DCTD: variants seen among roughly 807,000 people sequenced by gnomAD.
DCTD encodes dCMP deaminase.
DCTD carries 23 observed loss-of-function variants against 21.0 expected under a neutral mutation model. The ratio of observed to expected loss-of-function variants is 1.09; its 90% CI spans 0.79 to 1.55. The LOEUF is 1.55. Ranked by LOEUF, DCTD falls within the 40% of genes most tolerant of loss-of-function variation. DCTD has a pLI of 0.00. For synonymous variants in DCTD, 71 were observed against 81.1 expected, an observed-to-expected ratio of 0.88 and a Z score of 0.67; for missense variants, 224 against 230.0, an observed-to-expected ratio of 0.97 and a Z score of 0.17.
intron 3 of DCTD, among the ~76,000 whole-genome samples, chr4:182,910,103 G>A (rs1438830424): frequency 1.3e-5 from 2 of 152,152 alleles, no homozygotes; most frequent in Non-Finnish European, 2.9e-5. Flanking sequence ...GGGACACTGA[G>A]ATGCTACGGT....
At chr4:182,896,509 C>T (rs1734754322) in intron 3 of DCTD, among the ~76,000 whole-genome samples, 1 of 152,232 alleles carries the variant, frequency 6.6e-6, no homozygotes, top group African/African-American at 2.4e-5. Context: ...AGAGAATCAT[C>T]TTCGCTGCCC....
At chr4:182,910,493 T>A (rs59988836) in intron 3 of DCTD, among the ~76,000 whole-genome samples, 9,255 of 152,226 alleles carry the variant, frequency 0.061, 337 homozygotes, top group South Asian at 0.1. Context: ...GAATGAAAAA[T>A]GTCAACTGAA....
chr4:182,905,635 C>T (rs35058226), intron 3 of DCTD, among the ~76,000 whole-genome samples: 9,299 of 152,170 alleles, frequency 0.061, 344 homozygotes, highest in South Asian at 0.11. Flanking sequence ...CTCCTTCTCA[C>T]GGGCCCTTCT....
At chr4:182,893,294 C>T (rs1449411027) in intron 4 of DCTD, among the ~76,000 whole-genome samples, 167 bp from the exon 5 acceptor site, 2 of 152,262 alleles carry the variant, frequency 1.3e-5, no homozygotes, top group African/African-American at 4.8e-5. Context: ...CTTTCTAATA[C>T]AGCAGAGGGT....
chr4:182,895,658 C>T lies in DCTD; in HGVS notation c.245-1053G>A, dbSNP rs138808771. Among the ~76,000 whole-genome samples the T allele has an allele frequency of 6.3e-3, 965 of 152,318 alleles. 11 individuals are homozygous for T. Among genetic ancestry groups the T allele is most frequent in the African/African-American group, 0.021 (886 of 41,576 alleles). On this transcript the variant is annotated intron_variant, in intron 3 of 5. Transcript: ENST00000438320. ...CACACCTGGGTTTGACTCCCTCATCCTGCCCAGGAGGTTTCTGGATGGCCG... is the reference window on the plus strand; with the variant it reads ...CACACCTGGGTTTGACTCCCTCATCTTGCCCAGGAGGTTTCTGGATGGCCG...
At chr4:182,904,243 T>C (rs1162710779) in intron 3 of DCTD, among the ~76,000 whole-genome samples, 1 of 152,132 alleles carries the variant, frequency 6.6e-6, no homozygotes, top group East Asian at 1.9e-4. Context: ...AGAACTCTAA[T>C]TACACTGCCT....
intron 3 of DCTD, among the ~76,000 whole-genome samples, chr4:182,913,385 C>A (rs1230803621): frequency 6.6e-6 from 1 of 152,252 alleles, no homozygotes; most frequent in Admixed American, 6.5e-5. Flanking sequence ...GACTGCTTTG[C>A]AGTCCTCAGT....
At chr4:182,910,223 T>C (rs895984031) in intron 3 of DCTD, among the ~76,000 whole-genome samples, 1 of 152,132 alleles carries the variant, frequency 6.6e-6, no homozygotes, top group South Asian at 2.1e-4. Context: ...CCAGAGCCCT[T>C]TGCCAGCAGA....
chr4:182,913,888 C>CT (rs1473522687), intron 3 of DCTD, among the ~76,000 whole-genome samples: 1 of 152,240 alleles, frequency 6.6e-6, no homozygotes, highest in East Asian at 1.9e-4. Context: ...GCAACAAACT[C>CT]TAAGAAGCAG....
intron 3 of DCTD, among the ~76,000 whole-genome samples, chr4:182,905,569 T>C (rs2464971): frequency 0.33 from 49,730 of 151,636 alleles, 8,355 homozygotes; most frequent in Non-Finnish European, 0.36. Flanking sequence ...CCTCATGATC[T>C]CCCCGCCTCG....
intron 4 of DCTD, 21 bp downstream of exon 4, chr4:182,894,468 A>G: frequency 6.7e-7 from 1 of 1,483,772 alleles, no homozygotes; most frequent in Non-Finnish European, 9.4e-7. Context: ...AATGTGACAA[A>G]TGGAAAGACC....
At chr4:182,901,778 A>T (rs919280193) in intron 3 of DCTD, among the ~76,000 whole-genome samples, 84 of 103,132 alleles carry the variant, frequency 8.1e-4, no homozygotes, top group African/African-American at 4.5e-3. Context: ...CCTGTGCATT[A>T]AAAAAAAAAA....
chr4:182,916,441 C>A, intron 1 of DCTD: 1 of 985,536 alleles, frequency 1.0e-6, no homozygotes, highest in Non-Finnish European at 1.2e-6. Context: ...TTGAGAAAGG[C>A]GAGGAATGTG....
chr4:182,906,548 A>G (rs188564701), intron 3 of DCTD, among the ~76,000 whole-genome samples: 8 of 152,348 alleles, frequency 5.3e-5, no homozygotes, highest in Non-Finnish European at 5.9e-5. Context: ...TTAGGATTTT[A>G]AAAAGAAAGA....
intron 3 of DCTD, 80 bp from the exon 4 acceptor site, chr4:182,894,685 C>T (rs1734421948): frequency 2.3e-6 from 2 of 851,766 alleles, no homozygotes; most frequent in Non-Finnish European, 4.1e-6. Context: ...CATTCCATTC[C>T]CCCCTCTGAA....
At chr4:182,914,637 C>T (rs1404135802) in intron 3 of DCTD, among the ~76,000 whole-genome samples, 2 of 152,208 alleles carry the variant, frequency 1.3e-5, no homozygotes, top group African/African-American at 4.8e-5. Context: ...TATCAGTGCA[C>T]TGGTGTGGTG....
At chr4:182,900,800 T>C (rs1156236462) in intron 3 of DCTD, among the ~76,000 whole-genome samples, 1 of 151,998 alleles carries the variant, frequency 6.6e-6, no homozygotes, top group Non-Finnish European at 1.5e-5. Flanking sequence ...TTAGAAGGCC[T>C]TGATTGCCAG....
chr4:182,910,433 G>A (rs1428631022), intron 3 of DCTD, among the ~76,000 whole-genome samples: 1 of 152,016 alleles, frequency 6.6e-6, no homozygotes, highest in Admixed American at 6.6e-5. Flanking sequence ...TGATAACATT[G>A]GTATTTTGAT....
At chr4:182,905,655 C>A (rs549877021) in intron 3 of DCTD, among the ~76,000 whole-genome samples, 2 of 152,236 alleles carry the variant, frequency 1.3e-5, no homozygotes, top group Admixed American at 1.3e-4. Flanking sequence ...TTTCTCCAAC[C>A]ACCTTAAGCG....
Sources: gnomAD v4.1 joint callset for allele counts (sites outside exome capture counted in the v4.1 genomes callset) on GRCh38, gnomAD v4.1.1 for gene constraint, MANE v1.5 for transcripts, NCBI Gene and HGNC (gene_info 2026-07-23, HGNC 2026-07-21) for gene names.